RORA: variants seen among roughly 807,000 people sequenced by gnomAD.
The protein encoded by RORA is nuclear receptor ROR-alpha.
In RORA, 7 loss-of-function variants were observed where a neutral mutation model predicts 69.5. That is an observed-to-expected ratio of 0.10 (90% CI 0.06 to 0.19). The LOEUF (loss-of-function observed/expected upper bound fraction) is 0.19. Ranked by LOEUF, RORA falls within the 10% of genes least tolerant of loss-of-function variation. RORA has a pLI of 1.00. For missense variants in RORA, 457 were observed against 663.0 expected, an observed-to-expected ratio of 0.69 and a Z score of 3.41; for synonymous variants, 261 against 240.8, an observed-to-expected ratio of 1.08 and a Z score of -0.78.
At chr15:60,925,353 G>A (rs933330667) in intron 1 of RORA, among the ~76,000 whole-genome samples, 1 of 152,088 alleles carries the variant, frequency 6.6e-6, no homozygotes, top group Admixed American at 6.5e-5. Flanking sequence ...TATTTGAAAT[G>A]TCCCCATATT....
chr15:61,129,055 A>G (rs889593564), intron 1 of RORA, among the ~76,000 whole-genome samples: 1 of 152,250 alleles, frequency 6.6e-6, no homozygotes, highest in African/African-American at 2.4e-5. Context: ...ATGTCTCGTT[A>G]ACACTAAATG....
intron 1 of RORA, among the ~76,000 whole-genome samples, chr15:60,870,724 T>C (rs1322213866): frequency 6.6e-6 from 1 of 152,240 alleles, no homozygotes; most frequent in Non-Finnish European, 1.5e-5. Flanking sequence ...CCACTAGGCA[T>C]TCTGGTTGTC....
chr15:60,762,954 T>C (rs1289024891), intron 1 of RORA, among the ~76,000 whole-genome samples: 1 of 152,038 alleles, frequency 6.6e-6, no homozygotes, highest in Non-Finnish European at 1.5e-5. Flanking sequence ...GCTGAAAGTC[T>C]TTTAACCTTC....
chr15:61,017,541 A>C (rs1895343061), intron 1 of RORA, among the ~76,000 whole-genome samples: 3 of 152,210 alleles, frequency 2.0e-5, no homozygotes, highest in Admixed American at 6.5e-5. Context: ...ATATATTTTA[A>C]ATCACAGTTC....
At chr15:61,200,791 C>G (rs1256725063) in intron 1 of RORA, among the ~76,000 whole-genome samples, 1 of 152,190 alleles carries the variant, frequency 6.6e-6, no homozygotes, top group Non-Finnish European at 1.5e-5. Flanking sequence ...GCCCCAATCC[C>G]AAGGTAGATT....
At chr15:60,819,813 T>G (rs1414666975) in intron 1 of RORA, among the ~76,000 whole-genome samples, 2 of 143,672 alleles carry the variant, frequency 1.4e-5, no homozygotes, top group Non-Finnish European at 3.0e-5. Flanking sequence ...TTTTCATGGG[T>G]GGAACTCATG....
chr15:61,227,961 G>T (rs868435286), intron 1 of RORA, among the ~76,000 whole-genome samples: 1 of 152,112 alleles, frequency 6.6e-6, no homozygotes, highest in South Asian at 2.1e-4. Context: ...ATACCTTCAA[G>T]AAAGAGTGAG....
intron 1 of RORA, among the ~76,000 whole-genome samples, chr15:60,912,040 G>A (rs1205196369): frequency 6.6e-6 from 1 of 152,110 alleles, no homozygotes; most frequent in Non-Finnish European, 1.5e-5. Flanking sequence ...GGTCACAGAG[G>A]TGGAGAAAGG....
At chr15:60,510,755 G>C (rs73420046) in intron 5 of RORA, among the ~76,000 whole-genome samples, 8,393 of 152,140 alleles carry the variant, frequency 0.055, 774 homozygotes, top group African/African-American at 0.19. Context: ...AGCTAAAAAA[G>C]CTGAACTTTT....
chr15:61,059,415 A>G (rs1358606459), intron 1 of RORA, among the ~76,000 whole-genome samples: 1 of 152,218 alleles, frequency 6.6e-6, no homozygotes, highest in African/African-American at 2.4e-5. Context: ...ATAATATTTA[A>G]TTGTTACTCT....
chr15:60,531,180 A>T lies in RORA; in HGVS notation c.282+586T>A, dbSNP rs1316316475. On this transcript the variant is annotated intron_variant, in intron 3 of 10. Coordinates refer to ENST00000335670, the MANE Select transcript of RORA (RefSeq NM_134261.3). The surrounding 1 kb of genome is among the most constrained non-coding windows in gnomAD (Gnocchi z 4.8). ...TTTTTTATGTACAGGTTCTCCTTCT[A>T]TTCTTGGAATAGTCCTAACCAGTAG... 1 of 152,236 alleles carries T rather than the reference A, an allele frequency of 6.6e-6. No homozygotes were observed. The highest frequency in any genetic ancestry group is 1.5e-5 in the Non-Finnish European group (1 of 68,052). The allele number at this position is 152,236 out of a possible 1,614,324, so 9.4% of individuals were successfully genotyped here.
intron 2 of RORA, among the ~76,000 whole-genome samples, chr15:60,532,364 C>T (rs1245024729): frequency 6.6e-6 from 1 of 152,146 alleles, no homozygotes; most frequent in East Asian, 1.9e-4. Context: ...AAAATTAACG[C>T]AGTTGCCATG....
chr15:60,753,203 C>T (rs576648079), intron 1 of RORA, among the ~76,000 whole-genome samples: 2 of 152,328 alleles, frequency 1.3e-5, no homozygotes, highest in South Asian at 2.1e-4. Flanking sequence ...AAGTCCTACT[C>T]GCAGTTTAGT....
rs950471161 is a variant in RORA, at chr15:61,213,754, C to T, written c.166+15299G>A. 3 of 152,210 alleles carry T rather than the reference C, an allele frequency of 2.0e-5. No homozygotes were observed. Among genetic ancestry groups the T allele is most frequent in the African/African-American group, 7.2e-5 (3 of 41,456 alleles). The allele number at this position is 152,210 out of a possible 1,614,324, so 9.4% of individuals were successfully genotyped here. ...ATGCTACATCTTTTTAAAGTAATGT[C>T]TTTCTTGCCCATCAATTCACTTAAT... On this transcript the variant is annotated intron_variant, in intron 1 of 10. Transcript: ENST00000335670. This position sits in a 1 kb window ranked among gnomAD's most constrained non-coding sequence, Gnocchi z 4.1.
intron 1 of RORA, among the ~76,000 whole-genome samples, chr15:61,109,853 A>T (rs888426265): frequency 2.6e-5 from 4 of 152,162 alleles, no homozygotes; most frequent in African/African-American, 9.7e-5. Context: ...ATCCACAATA[A>T]CAGTGCCTAT....
At chr15:61,028,011 T>C (rs755279279) in intron 1 of RORA, among the ~76,000 whole-genome samples, 2 of 152,196 alleles carry the variant, frequency 1.3e-5, no homozygotes, top group Non-Finnish European at 2.9e-5. Flanking sequence ...CTACCATAAA[T>C]TATTTCCTAA....
chr15:60,701,564 G>C (rs898632172), intron 1 of RORA, among the ~76,000 whole-genome samples: 2 of 152,176 alleles, frequency 1.3e-5, no homozygotes, highest in African/African-American at 4.8e-5. Context: ...GCATTCACTA[G>C]CTCAATCACT....
At chr15:61,060,776 AC>A (rs1345754370) in intron 1 of RORA, among the ~76,000 whole-genome samples, 1 of 152,114 alleles carries the variant, frequency 6.6e-6, no homozygotes, top group Non-Finnish European at 1.5e-5. Context: ...GCTTCCCTGT[AC>A]CCCACTGGAA....
intron 2 of RORA, among the ~76,000 whole-genome samples, chr15:60,573,172 A>G (rs773224670): frequency 3.3e-5 from 5 of 152,206 alleles, no homozygotes; most frequent in Non-Finnish European, 7.3e-5. Context: ...TTCTGTAAGC[A>G]GCATGATTGA....
Sources: allele counts gnomAD v4.1 joint callset (sites outside exome capture counted in the v4.1 genomes callset), GRCh38; gene constraint gnomAD v4.1.1; non-coding constraint Gnocchi (gnomAD v3.1); transcripts MANE v1.5; gene names NCBI Gene and HGNC (gene_info 2026-07-23, HGNC 2026-07-21).